The following SCNN1G variants were observed in gnomAD, a reference collection of about 807,000 sequenced individuals.
The protein encoded by SCNN1G is epithelial sodium channel subunit gamma.
Under a neutral mutation model 64.6 loss-of-function variants are expected in SCNN1G, and 27 were observed. The observed-to-expected ratio is 0.42, with a 90% CI of 0.31 to 0.58. The LOEUF is 0.58. Among genes scored for constraint, SCNN1G ranks in the 20% least tolerant of loss-of-function variants. SCNN1G has a pLI of 0.18. For synonymous variants in SCNN1G, 330 were observed against 314.2 expected, an observed-to-expected ratio of 1.05 and a Z score of -0.53; for missense variants, 743 against 823.4, an observed-to-expected ratio of 0.90 and a Z score of 1.19.
At chr16:23,206,366 G>T (rs1002972769) in intron 6 of SCNN1G, among the ~76,000 whole-genome samples, 2 of 152,146 alleles carry the variant, frequency 1.3e-5, no homozygotes, top group Admixed American at 6.5e-5. Flanking sequence ...AAGCTGTGGG[G>T]GCTTTGATAA....
At position 23,186,492 on chromosome 16, in the gene SCNN1G, T is replaced by C; in HGVS notation, c.221T>C (p.Leu74Pro). The change falls in exon 2 of 13, where the codon CTC (leucine) becomes CCC (proline). Residue 74 changes from leucine (L) to proline (P), a missense_variant. Transcript: ENST00000300061. ...CTCATCCTCTGGCAGTGCGCCCTCC[T>C]CGTCTTCTCCTTCTATACTGTCTCA... ...VALILWQCAL[L>P]VFSFYTVSVS... The C allele has an allele frequency of 6.2e-7, 1 of 1,614,118 alleles. No individual in the cohort carries two copies. Among genetic ancestry groups the C allele is most frequent in the Non-Finnish European group, 8.5e-7 (1 of 1,180,032 alleles).
rs190977146 is a variant in SCNN1G at position 23,186,234 on chromosome 16, C to T, written c.-38C>T. The T allele has an allele frequency of 4.4e-6, 7 of 1,608,138 alleles. No individual in the cohort carries two copies. Among genetic ancestry groups the T allele is most frequent in the East Asian group, 2.2e-5 (1 of 44,868 alleles). The stretch of plus-strand genomic sequence containing the variant: ...CTCTTCTTTGCCCCTCCAGCACGCC[C>T]GTCCTCAGAGTCCCGTCCTCAAAGT... On this transcript the variant is annotated 5_prime_UTR_variant, in exon 2 of 13. Transcript: ENST00000300061.
chr16:23,182,821 C>G lies in SCNN1G; in HGVS notation c.-45+8C>G, dbSNP rs1959541115. The G allele has an allele frequency of 6.6e-6, 1 of 152,432 alleles. No individual in the cohort carries two copies. The highest frequency in any genetic ancestry group is 2.1e-4 in the South Asian group (1 of 4,836). 9.4% of individuals were successfully genotyped at this position (152,432 alleles called of 1,614,324 possible). On this transcript the variant is annotated splice_region_variant and intron_variant, in intron 1 of 12. Coordinates refer to ENST00000300061, the MANE Select transcript of SCNN1G (RefSeq NM_001039.4). ...ACCCTTTGGAACCGAAAGGTGAGTT[C>G]AGCCGGGTTGGGTCGGACCAGCTCG...
intron 7 of SCNN1G, 88 bp from the exon 8 acceptor site, chr16:23,211,946 C>A: frequency 1.0e-6 from 1 of 978,946 alleles, no homozygotes; most frequent in Non-Finnish European, 1.7e-6. Context: ...TTAAGGGAGG[C>A]TGACCCCCTG....
chr16:23,190,048 TGACAGAATGA>T (rs1388516884), intron 3 of SCNN1G, among the ~76,000 whole-genome samples: 1 of 149,460 alleles, frequency 6.7e-6, no homozygotes, highest in Non-Finnish European at 1.5e-5. Flanking sequence ...CCAGCCTGAG[TGACAGAATGA>T]GACTCTGTTA....
At chr16:23,214,380 T>C (rs1193113982) in intron 11 of SCNN1G, among the ~76,000 whole-genome samples, 1 of 152,216 alleles carries the variant, frequency 6.6e-6, no homozygotes, top group East Asian at 1.9e-4. Flanking sequence ...CTCATGTACA[T>C]TACCTGTACA....
At position 23,186,602 on chromosome 16, in the gene SCNN1G, G is replaced by A; in HGVS notation, c.317+14G>A. On this transcript the variant is annotated intron_variant, in intron 2 of 12. Coordinates refer to ENST00000300061, the MANE Select transcript of SCNN1G (RefSeq NM_001039.4). Reference sequence around the variant, plus strand: ...CAACCCCTACAAGTAAGAGGCATGAGCAGGGAAACGCGAGTAGGGAGCCAG... The same window carrying A: ...CAACCCCTACAAGTAAGAGGCATGAACAGGGAAACGCGAGTAGGGAGCCAG... 3 of 1,607,584 alleles carry A rather than the reference G, an allele frequency of 1.9e-6. No homozygotes were observed. Among genetic ancestry groups the A allele is most frequent in the Non-Finnish European group, 2.5e-6 (3 of 1,178,208 alleles).
chr16:23,208,304 G>A (rs1431968138), intron 6 of SCNN1G, among the ~76,000 whole-genome samples: 1 of 151,850 alleles, frequency 6.6e-6, no homozygotes, highest in East Asian at 1.9e-4. Context: ...CCTTGATTGT[G>A]CCACTGCACT....
At chr16:23,212,918 C>T (rs754512343) in intron 10 of SCNN1G, 24 bp downstream of exon 10, 3 of 1,610,300 alleles carry the variant, frequency 1.9e-6, no homozygotes, top group Non-Finnish European at 1.7e-6. Context: ...CCCACCCTTC[C>T]CCACTGAAGC....
intron 2 of SCNN1G, 118 bp downstream of exon 2, chr16:23,186,706 T>C: frequency 1.2e-6 from 1 of 862,620 alleles, no homozygotes; most frequent in South Asian, 1.4e-5. Flanking sequence ...ACAAATGTGC[T>C]TTCTAGAAAT....
intron 7 of SCNN1G, 78 bp downstream of exon 7, chr16:23,209,926 G>A (rs1311110065): frequency 3.8e-5 from 38 of 1,003,434 alleles, no homozygotes; most frequent in Non-Finnish European, 5.4e-5. Flanking sequence ...AAGCTGGGGT[G>A]TGGCTTGCAC....
chr16:23,184,558 T>C (rs1422282483), intron 1 of SCNN1G, among the ~76,000 whole-genome samples: 1 of 152,176 alleles, frequency 6.6e-6, no homozygotes, highest in African/African-American at 2.4e-5. Context: ...GTGTTCTTCA[T>C]CCCAGCAAAA....
chr16:23,209,936 C>A, intron 7 of SCNN1G, 88 bp downstream of exon 7: 1 of 915,874 alleles, frequency 1.1e-6, no homozygotes, highest in Non-Finnish European at 1.8e-6. Context: ...GTGGCTTGCA[C>A]CAGGAACTCT....
chr16:23,204,272 C>A (rs1959940222), intron 6 of SCNN1G, among the ~76,000 whole-genome samples: 2 of 105,376 alleles, frequency 1.9e-5, no homozygotes, highest in East Asian at 2.8e-4. Flanking sequence ...GAGTGATACT[C>A]CATCACAAAT....
chr16:23,192,743 T>C (rs575924949), intron 4 of SCNN1G, among the ~76,000 whole-genome samples: 1 of 152,178 alleles, frequency 6.6e-6, no homozygotes, highest in Admixed American at 6.5e-5. Context: ...AAAATCAAAA[T>C]ATCCTTAAAC....
In SCNN1G at chr16:23,192,390, C is replaced by G; in HGVS notation, c.657C>G (p.Phe219Leu). The change falls in exon 4 of 13, where the codon TTC becomes TTG. Residue 219 changes from phenylalanine (F) to leucine (L), a missense_variant. By Grantham distance (22) the Phe-to-Leu change is conservative. Transcript: ENST00000300061. ...CCTCCGACTGTGCCACCTACACCTT[C>G]AGCTCGGGAATCAATGCCATTCAGG... ...NDTSDCATYT[F>L]SSGINAIQEW... 6.2e-7 allele frequency: 1 copy of G among 1,614,186 alleles called. No homozygotes were observed. Among genetic ancestry groups the G allele is most frequent in the Non-Finnish European group, 8.5e-7 (1 of 1,180,026 alleles).
intron 4 of SCNN1G, 143 bp from the exon 5 acceptor site, chr16:23,194,028 G>T: frequency 1.4e-6 from 1 of 701,874 alleles, no homozygotes; most frequent in African/African-American, 1.7e-5. Flanking sequence ...TTTGTCATTT[G>T]ATCAGGAGCA....
chr16:23,203,341 C>T (rs1959922919), intron 6 of SCNN1G, among the ~76,000 whole-genome samples: 1 of 152,134 alleles, frequency 6.6e-6, no homozygotes, highest in Non-Finnish European at 1.5e-5. Context: ...GTGGACCACT[C>T]ACCCAGTGGG....
rs753746795 is a variant in SCNN1G, at chr16:23,215,377, C to G, written c.1858C>G (p.Pro620Ala). Residue 620 changes from proline (P) to alanine (A), a missense_variant, in exon 13 of 13, where the codon CCC becomes GCC. Transcript: ENST00000300061. ...HLPPALGTQV[P>A]GTPPPKYNTL... ...GCCTCCAGCCCTAGGAACCCAAGTG[C>G]CCGGCACACCGCCCCCCAAATACAA... 1.2e-5 allele frequency: 19 copies of G among 1,613,998 alleles called. No individual in the cohort carries two copies. The South Asian group carries it at 2.0e-4, about 17-fold the overall frequency.
Sources: gnomAD v4.1 joint callset for allele counts (sites outside exome capture counted in the v4.1 genomes callset) on GRCh38, gnomAD v4.1.1 for gene constraint, MANE v1.5 for transcripts, NCBI Gene and HGNC (gene_info 2026-07-23, HGNC 2026-07-21) for gene names.